The following NOX4 variants were observed in gnomAD, a reference collection of about 807,000 sequenced individuals.
NOX4 encodes the protein kidney oxidase-1.
In NOX4, 69 loss-of-function variants were observed where a neutral mutation model predicts 87.6. The ratio of observed to expected loss-of-function variants is 0.79; its 90% CI spans 0.65 to 0.96. The LOEUF (loss-of-function observed/expected upper bound fraction) is 0.96. Among genes scored for constraint, NOX4 ranks in the 40% least tolerant of loss-of-function variants. NOX4 has a pLI of 0.00. For synonymous variants in NOX4, 275 were observed against 238.2 expected (o/e 1.15, Z -1.42); for missense variants, 680 against 681.5 (o/e 1.00, Z 0.02).
chr11:89,520,406 G>T, the NOX4 span, among the ~76,000 whole-genome samples: 1 of 151,924 alleles, frequency 6.6e-6, no homozygotes, highest in Non-Finnish European at 1.5e-5. Context: ...CACTCTATCA[G>T]CAAACACAAA....
chr11:89,348,703 C>T (rs368922302), intron 13 of NOX4, among the ~76,000 whole-genome samples: 1 of 152,160 alleles, frequency 6.6e-6, no homozygotes, highest in African/African-American at 2.4e-5. Context: ...TGCATGCACA[C>T]ACGTGCTCCA....
chr11:89,518,806 G>C, the NOX4 span, among the ~76,000 whole-genome samples: 1 of 152,016 alleles, frequency 6.6e-6, no homozygotes, highest in South Asian at 2.1e-4. Context: ...GATCCACAGT[G>C]CTCTAAGGAC....
chr11:89,508,715 A>G, the NOX4 span, among the ~76,000 whole-genome samples: 1 of 152,114 alleles, frequency 6.6e-6, no homozygotes, highest in Non-Finnish European at 1.5e-5. Flanking sequence ...CCCCGGCACC[A>G]GGCCAGGCCT....
the NOX4 span, among the ~76,000 whole-genome samples, chr11:89,574,834 T>C: frequency 4.6e-5 from 7 of 152,340 alleles, no homozygotes; most frequent in East Asian, 1.9e-4. Context: ...CATTTTCCTA[T>C]GGCTGTGTTT....
intron 12 of NOX4, 47 bp from the exon 13 acceptor site, chr11:89,355,090 T>C: frequency 2.2e-6 from 3 of 1,339,690 alleles, no homozygotes; most frequent in Non-Finnish European, 3.2e-6. Flanking sequence ...ATAAAAGTCA[T>C]GAAAATAATT....
intron 11 of NOX4, among the ~76,000 whole-genome samples, chr11:89,399,018 G>A (rs1298720898): frequency 6.6e-6 from 1 of 151,960 alleles, no homozygotes; most frequent in Non-Finnish European, 1.5e-5. Flanking sequence ...ATGTCAAACA[G>A]TAGAGAAAAG....
chr11:89,564,082 T>C, the NOX4 span, among the ~76,000 whole-genome samples: 1 of 152,112 alleles, frequency 6.6e-6, no homozygotes, highest in Non-Finnish European at 1.5e-5. Context: ...ACATTTGAAA[T>C]GTACCGTATT....
chr11:89,505,833 A>G, the NOX4 span, among the ~76,000 whole-genome samples: 1 of 151,872 alleles, frequency 6.6e-6, no homozygotes, highest in Non-Finnish European at 1.5e-5. Flanking sequence ...AGCCAGAAAT[A>G]TATTTAGTCT....
At chr11:89,438,951 A>T (rs1944329552) in intron 6 of NOX4, among the ~76,000 whole-genome samples, 2 of 76,130 alleles carry the variant, frequency 2.6e-5, no homozygotes, top group South Asian at 3.3e-4. Context: ...ATATTATTTT[A>T]TATATAATAA....
chr11:89,551,356 G>C, the NOX4 span, among the ~76,000 whole-genome samples: 2 of 152,164 alleles, frequency 1.3e-5, no homozygotes, highest in Non-Finnish European at 2.9e-5. Flanking sequence ...ATGGTAGCTT[G>C]ATGGGGATAG....
At chr11:89,367,121 C>T (rs901582878) in intron 12 of NOX4, among the ~76,000 whole-genome samples, 3 of 152,074 alleles carry the variant, frequency 2.0e-5, no homozygotes, top group African/African-American at 4.8e-5. Context: ...TCATCATTAT[C>T]CTAAATGATT....
At chr11:89,550,639 G>C in the NOX4 span, among the ~76,000 whole-genome samples, 2 of 151,770 alleles carry the variant, frequency 1.3e-5, no homozygotes, top group Non-Finnish European at 2.9e-5. Context: ...TTTTTGATGG[G>C]GTTGTTTTTT....
At chr11:89,421,115 A>T (rs537389159) in intron 8 of NOX4, among the ~76,000 whole-genome samples, 21 of 152,282 alleles carry the variant, frequency 1.4e-4, no homozygotes, top group African/African-American at 5.1e-4. Flanking sequence ...AGCACCTGAC[A>T]TTATCCTGTT....
At chr11:89,478,483 T>C (rs1591353967) in intron 2 of NOX4, among the ~76,000 whole-genome samples, 1 of 152,196 alleles carries the variant, frequency 6.6e-6, no homozygotes, top group African/African-American at 2.4e-5. Context: ...ACTGATATTG[T>C]CGACTTTTCA....
At chr11:89,483,602 T>A (rs770959881) in intron 2 of NOX4, among the ~76,000 whole-genome samples, 2 of 84,986 alleles carry the variant, frequency 2.4e-5, no homozygotes, top group Non-Finnish European at 5.1e-5. Flanking sequence ...CAGGTGCTGG[T>A]GGGGGTGGGA....
chr11:89,551,055 G>C, the NOX4 span, among the ~76,000 whole-genome samples: 1 of 152,144 alleles, frequency 6.6e-6, no homozygotes, highest in Admixed American at 6.5e-5. Context: ...TTTCCCCATT[G>C]CTTGTTGGTG....
the NOX4 span, among the ~76,000 whole-genome samples, chr11:89,586,075 C>T: frequency 6.6e-6 from 1 of 151,992 alleles, no homozygotes; most frequent in Non-Finnish European, 1.5e-5. Flanking sequence ...TAGAGCAGAA[C>T]ATTAAACTGC....
At chr11:89,395,696 G>T (rs1358433786) in intron 11 of NOX4, among the ~76,000 whole-genome samples, 2 of 152,078 alleles carry the variant, frequency 1.3e-5, no homozygotes, top group Admixed American at 1.3e-4. Flanking sequence ...TGTAAGGAAG[G>T]GATCCAGTTT....
intron 3 of NOX4, among the ~76,000 whole-genome samples, chr11:89,450,309 G>A (rs927009510): frequency 6.6e-6 from 1 of 152,124 alleles, no homozygotes; most frequent in African/African-American, 2.4e-5. Context: ...AGTTTTCCTA[G>A]AGTAAATCTG....
Sources: allele counts gnomAD v4.1 joint callset (sites outside exome capture counted in the v4.1 genomes callset), GRCh38; gene constraint gnomAD v4.1.1; transcripts MANE v1.5; gene names NCBI Gene and HGNC (gene_info 2026-07-23, HGNC 2026-07-21).